DSCAM: variants seen among roughly 807,000 people sequenced by gnomAD.
DSCAM encodes DS cell adhesion molecule.
Under a neutral mutation model 217.7 loss-of-function variants are expected in DSCAM, and 47 were observed. The ratio of observed to expected loss-of-function variants is 0.22; its 90% CI spans 0.17 to 0.28. The LOEUF (loss-of-function observed/expected upper bound fraction) is 0.28. Among genes scored for constraint, DSCAM ranks in the 10% least tolerant of loss-of-function variants. DSCAM has a pLI of 1.00. For synonymous variants in DSCAM, 1,056 were observed against 1,015.3 expected, an observed-to-expected ratio of 1.04 and a Z score of -0.76; for missense variants, 2,080 against 2,618.3, an observed-to-expected ratio of 0.79 and a Z score of 4.49.
At chr21:40,487,009 G>T (rs949984707) in intron 3 of DSCAM, among the ~76,000 whole-genome samples, 2 of 152,064 alleles carry the variant, frequency 1.3e-5, no homozygotes, top group African/African-American at 4.8e-5. Flanking sequence ...CTAACAGTCT[G>T]GGAGCACCAG....
At chr21:40,476,268 T>C (rs1198620092) in intron 3 of DSCAM, among the ~76,000 whole-genome samples, 1 of 152,206 alleles carries the variant, frequency 6.6e-6, no homozygotes, top group East Asian at 1.9e-4. Context: ...GAAAGGGCAG[T>C]CAACTCTGAG....
intron 1 of DSCAM, among the ~76,000 whole-genome samples, chr21:40,722,273 A>C (rs956299185): frequency 1.3e-5 from 2 of 152,142 alleles, no homozygotes; most frequent in Non-Finnish European, 2.9e-5. Context: ...ATATAAAATC[A>C]TATTTTCTCA....
chr21:40,203,240 G>A (rs960822353), intron 11 of DSCAM, among the ~76,000 whole-genome samples: 2 of 152,208 alleles, frequency 1.3e-5, no homozygotes, highest in Non-Finnish European at 2.9e-5. Flanking sequence ...CAACCTTTCT[G>A]CATTCATTTG....
At chr21:40,397,750 CACT>C (rs1724896445) in intron 3 of DSCAM, among the ~76,000 whole-genome samples, 1 of 151,844 alleles carries the variant, frequency 6.6e-6, no homozygotes, top group African/African-American at 2.4e-5. Context: ...CCACTATTAC[CACT>C]ACTGCTACTA....
chr21:40,059,485 T>C (rs963180466), intron 28 of DSCAM, among the ~76,000 whole-genome samples: 1 of 152,168 alleles, frequency 6.6e-6, no homozygotes, highest in African/African-American at 2.4e-5. Context: ...AGCCCAGCAA[T>C]GGGTGATGCT....
At chr21:40,212,220 G>C (rs534284500) in intron 11 of DSCAM, 9 of 153,936 alleles carry the variant, frequency 5.8e-5, no homozygotes, top group African/African-American at 2.2e-4. Flanking sequence ...TGCCTGCCTC[G>C]GCCTCCCAAA....
At chr21:40,756,928 T>C (rs1404581042) in intron 1 of DSCAM, among the ~76,000 whole-genome samples, 2 of 152,042 alleles carry the variant, frequency 1.3e-5, no homozygotes, top group Non-Finnish European at 2.9e-5. Flanking sequence ...GATTTATCTC[T>C]GGAATATTTA....
At position 40,019,243 on chromosome 21, in the gene DSCAM, G is replaced by C. The variant is rs143192431; in HGVS notation, c.5687-5857C>G. 3.8e-3 allele frequency among the ~76,000 whole-genome samples: 577 copies of C among 152,338 alleles called. 3 individuals are homozygous for C. The highest frequency in any genetic ancestry group is 5.8e-3 in the Non-Finnish European group (398 of 68,036). The stretch of plus-strand genomic sequence containing the variant: ...AAAGAGACACATGATGTGTGAGACT[G>C]TGGTGACCATGGGGACATTGGCACA... On this transcript the variant is annotated intron_variant, in intron 32 of 32. Transcript: ENST00000400454.
At chr21:40,166,001 C>A in intron 16 of DSCAM, among the ~76,000 whole-genome samples, 1 of 152,168 alleles carries the variant, frequency 6.6e-6, no homozygotes, top group Non-Finnish European at 1.5e-5. Context: ...TATCACGCTG[C>A]CCGCTGGAAA....
At chr21:40,210,443 T>C (rs2091170809) in intron 11 of DSCAM, among the ~76,000 whole-genome samples, 1 of 152,256 alleles carries the variant, frequency 6.6e-6, no homozygotes, top group South Asian at 2.1e-4. Flanking sequence ...TCTGGCCATG[T>C]TGTGAATTTC....
chr21:40,273,123 C>T (rs1453539501), intron 11 of DSCAM, among the ~76,000 whole-genome samples: 2 of 152,134 alleles, frequency 1.3e-5, no homozygotes, highest in African/African-American at 2.4e-5. Context: ...ACTGTGCCAT[C>T]AATATACATT....
chr21:40,842,073 C>CG (rs1324758156), intron 1 of DSCAM, among the ~76,000 whole-genome samples: 6 of 152,164 alleles, frequency 3.9e-5, no homozygotes, highest in African/African-American at 1.2e-4. Context: ...CCCTCGGTGG[C>CG]GGCTGGGTTT....
At chr21:40,107,529 G>A (rs2089836541) in intron 20 of DSCAM, among the ~76,000 whole-genome samples, 1 of 151,858 alleles carries the variant, frequency 6.6e-6, no homozygotes, top group Non-Finnish European at 1.5e-5. Flanking sequence ...TCTAATTCAG[G>A]ACCTGAGCTC....
chr21:40,791,289 A>G (rs761788191), intron 1 of DSCAM, among the ~76,000 whole-genome samples: 2 of 151,928 alleles, frequency 1.3e-5, no homozygotes, highest in African/African-American at 2.4e-5. Context: ...AAGAAGCTCT[A>G]ATAAAGCGTG....
At chr21:40,277,061 T>C (rs2073696597) in intron 10 of DSCAM, among the ~76,000 whole-genome samples, 1 of 152,052 alleles carries the variant, frequency 6.6e-6, no homozygotes, top group South Asian at 2.1e-4. Context: ...GAACCTGCCA[T>C]GCTGCCTGCT....
intron 3 of DSCAM, among the ~76,000 whole-genome samples, chr21:40,573,786 G>A (rs2076827433): frequency 1.3e-5 from 2 of 152,040 alleles, no homozygotes; most frequent in South Asian, 2.1e-4. Flanking sequence ...ATCTATATCA[G>A]TAATAAAAGT....
chr21:40,200,537 T>A (rs1191535355), intron 11 of DSCAM, among the ~76,000 whole-genome samples: 1 of 152,244 alleles, frequency 6.6e-6, no homozygotes. Flanking sequence ...AGCATTTTTT[T>A]AATCCAGTCA....
rs371271663 is a variant in DSCAM, at chr21:40,124,223, G to A, written c.3668C>T (p.Thr1223Ile). ...GGGATAGGGGTGGGAGCAGAATACA[G>A]TGTACTTTCGGATGATGCCGTTCAG... The part of the protein sequence containing the change: ...LKLNGIIRKY[T>I]VFCSHPYPTV... Residue 1223 changes from threonine to isoleucine, a missense_variant, in exon 20 of 33, where the codon ACT becomes ATT. Transcript: ENST00000400454. 7 of 1,613,928 alleles carry A rather than the reference G, an allele frequency of 4.3e-6. No homozygotes were observed. The African/African-American group carries it at 9.3e-5, about 22-fold the overall frequency.
chr21:40,286,495 G>A (rs2073825678), intron 10 of DSCAM, among the ~76,000 whole-genome samples: 1 of 152,216 alleles, frequency 6.6e-6, no homozygotes, highest in South Asian at 2.1e-4. Context: ...TGAAAACTCA[G>A]TATCATCCCA....
Sources: gnomAD v4.1 joint callset for allele counts (sites outside exome capture counted in the v4.1 genomes callset) on GRCh38, gnomAD v4.1.1 for gene constraint, MANE v1.5 for transcripts, NCBI Gene and HGNC (gene_info 2026-07-23, HGNC 2026-07-21) for gene names.